The following FAM163B variants were observed in gnomAD, a reference collection of about 807,000 sequenced individuals.
FAM163B encodes family with sequence similarity 163 member B, also known as protein FAM163B.
In FAM163B, 4 loss-of-function variants were observed where a neutral mutation model predicts 7.6. The observed-to-expected ratio is 0.52, with a 90% CI of 0.26 to 1.20. FAM163B has a LOEUF of 1.20. Ranked by LOEUF, FAM163B falls within the 50% of genes most tolerant of loss-of-function variation. The pLI is 0.14. For missense variants in FAM163B, 250 were observed against 243.0 expected, an observed-to-expected ratio of 1.03 and a Z score of -0.19; for synonymous variants, 120 against 111.6, an observed-to-expected ratio of 1.07 and a Z score of -0.47.
At chr9:133,602,228 G>A (rs1028354197) in intron 1 of FAM163B, among the ~76,000 whole-genome samples, 1 of 152,266 alleles carries the variant, frequency 6.6e-6, no homozygotes, top group East Asian at 1.9e-4. Flanking sequence ...GGTGGATGAC[G>A]ACGGATGAGT....
At chr9:133,585,505 C>T (rs7865537) in intron 1 of FAM163B, among the ~76,000 whole-genome samples, 4,930 of 152,364 alleles carry the variant, frequency 0.032, 177 homozygotes, top group East Asian at 0.088. Context: ...TGGTACAGGG[C>T]CCAGGCGACG....
chr9:133,604,319 G>C (rs1831764306), intron 1 of FAM163B, among the ~76,000 whole-genome samples: 1 of 151,630 alleles, frequency 6.6e-6, no homozygotes, highest in Non-Finnish European at 1.5e-5. Context: ...CTAGGGTGTC[G>C]ACATGCAGAC....
In FAM163B at chr9:133,586,545, C is replaced by T. The variant is rs912062524; in HGVS notation, c.-23-6299G>A. ...GGGTTTCACAGATTTCTAGAAGCTC[C>T]CCCCAGACCCCAGCTGGAGAGCCCC... On this transcript the variant is annotated intron_variant, in intron 1 of 2. Coordinates refer to ENST00000673969, the MANE Select transcript of FAM163B (RefSeq NM_001080515.3). 8.5e-5 allele frequency among the ~76,000 whole-genome samples: 13 copies of T among 152,278 alleles called. 1 individual carries two copies. Among genetic ancestry groups the T allele is most frequent in the Admixed American group, 6.5e-4 (10 of 15,304 alleles).
chr9:133,579,986 T>G, intron 2 of FAM163B, 145 bp downstream of exon 2: 1 of 674,656 alleles, frequency 1.5e-6, no homozygotes, highest in South Asian at 1.7e-5. Context: ...TCCTGCTGCC[T>G]TCTGCTGTGT....
At position 133,578,776 on chromosome 9, in the gene FAM163B, A is replaced by G; in HGVS notation, c.*246T>C. ...CCCTGGTGCATGCCCAGCCGGCTGT[A>G]TGGTCACCTGGTCCTTCTAGCCCCA... On this transcript the variant is annotated 3_prime_UTR_variant, in exon 3 of 3. Transcript: ENST00000673969. The G allele has an allele frequency of 1.7e-6, 1 of 600,150 alleles. No homozygotes were observed. Among genetic ancestry groups the G allele is most frequent in the Non-Finnish European group, 2.6e-6 (1 of 384,204 alleles). 37.2% of individuals were successfully genotyped at this position (600,150 alleles called of 1,614,324 possible).
At chr9:133,599,741 G>A (rs998545478) in intron 1 of FAM163B, among the ~76,000 whole-genome samples, 3 of 151,596 alleles carry the variant, frequency 2.0e-5, no homozygotes, top group Non-Finnish European at 4.4e-5. Context: ...GTGTGCATGT[G>A]TGTGGTCTGT....
At chr9:133,596,469 G>C (rs927371431) in intron 1 of FAM163B, among the ~76,000 whole-genome samples, 4 of 152,150 alleles carry the variant, frequency 2.6e-5, no homozygotes, top group Non-Finnish European at 2.9e-5. Flanking sequence ...CAGCCAAGAT[G>C]GGGTAATGGG....
At chr9:133,586,076 G>C (rs564974088) in intron 1 of FAM163B, 145 of 152,322 alleles carry the variant, frequency 9.5e-4, no homozygotes, top group African/African-American at 3.3e-3. Flanking sequence ...CATGCTCCGC[G>C]GGCTCCCAGA....
chr9:133,597,178 A>C (rs924670046), intron 1 of FAM163B, among the ~76,000 whole-genome samples: 1 of 152,256 alleles, frequency 6.6e-6, no homozygotes, highest in Non-Finnish European at 1.5e-5. Flanking sequence ...CCGAAGTGGC[A>C]CAGATGATAG....
intron 1 of FAM163B, among the ~76,000 whole-genome samples, chr9:133,584,779 C>T (rs996243018): frequency 6.6e-6 from 1 of 152,176 alleles, no homozygotes; most frequent in African/African-American, 2.4e-5. Context: ...GGGAACAGCA[C>T]AGGCCAAGCC....
intron 1 of FAM163B, among the ~76,000 whole-genome samples, chr9:133,604,979 C>T (rs551576724): frequency 3.3e-5 from 5 of 152,200 alleles, no homozygotes; most frequent in South Asian, 2.1e-4. Flanking sequence ...TCGTGAGGAA[C>T]GGAGATGGAG....
chr9:133,595,104 C>T (rs918821978), intron 1 of FAM163B, among the ~76,000 whole-genome samples: 2 of 152,160 alleles, frequency 1.3e-5, no homozygotes, highest in African/African-American at 4.8e-5. Flanking sequence ...TAACGTGCAT[C>T]GAGTAGCCTG....
chr9:133,589,618 G>A (rs958438265), intron 1 of FAM163B, among the ~76,000 whole-genome samples: 61 of 74,838 alleles, frequency 8.2e-4, no homozygotes, highest in Non-Finnish European at 1.8e-3. Flanking sequence ...ACCAGGGGGC[G>A]ACACAGCGCG....
At chr9:133,599,973 G>T (rs919614045) in intron 1 of FAM163B, among the ~76,000 whole-genome samples, 1 of 135,966 alleles carries the variant, frequency 7.4e-6, no homozygotes, top group African/African-American at 2.6e-5. Context: ...GCATGTGTGT[G>T]TGTCTGTGTG....
chr9:133,608,924 G>T (rs1831820798), intron 1 of FAM163B, among the ~76,000 whole-genome samples, 153 bp downstream of exon 1: 1 of 152,236 alleles, frequency 6.6e-6, no homozygotes, highest in African/African-American at 2.4e-5. Context: ...GGAAGCCAGG[G>T]GATGGGTGAC....
intron 1 of FAM163B, among the ~76,000 whole-genome samples, chr9:133,582,356 CTTT>C (rs1831368685): frequency 6.6e-6 from 1 of 152,204 alleles, no homozygotes; most frequent in Non-Finnish European, 1.5e-5. Context: ...AGTCATGATT[CTTT>C]TTGATGTTCA....
At chr9:133,595,938 T>C (rs1215981963) in intron 1 of FAM163B, among the ~76,000 whole-genome samples, 2 of 152,138 alleles carry the variant, frequency 1.3e-5, no homozygotes, top group African/African-American at 2.4e-5. Flanking sequence ...CTCAGCCGAA[T>C]GAGAAGTGAA....
chr9:133,599,993 ATG>A (rs558813175), intron 1 of FAM163B, among the ~76,000 whole-genome samples: 1,770 of 127,082 alleles, frequency 0.014, 48 homozygotes, highest in African/African-American at 0.05. Flanking sequence ...GCATATGCGA[ATG>A]TGTGTGTGTG....
At chr9:133,592,818 G>A (rs935083096) in intron 1 of FAM163B, among the ~76,000 whole-genome samples, 10 of 152,114 alleles carry the variant, frequency 6.6e-5, no homozygotes, top group African/African-American at 9.7e-5. Flanking sequence ...GCAAGCCCCC[G>A]AGAGGATTCT....
Sources: gnomAD v4.1 joint callset for allele counts (sites outside exome capture counted in the v4.1 genomes callset) on GRCh38, gnomAD v4.1.1 for gene constraint, MANE v1.5 for transcripts, NCBI Gene and HGNC (gene_info 2026-07-23, HGNC 2026-07-21) for gene names.